Variants in RPS6KC1 observed in about 807,000 individuals in gnomAD.
RPS6KC1 encodes the protein inactive ribosomal protein S6 kinase delta-1.
In RPS6KC1, 54 loss-of-function variants were observed where a neutral mutation model predicts 103.8. The observed-to-expected ratio is 0.52, with a 90% CI of 0.42 to 0.65. The LOEUF is 0.65. Ranked by LOEUF, RPS6KC1 falls within the 30% of genes least tolerant of loss-of-function variation. RPS6KC1 has a pLI of 0.00. For synonymous variants in RPS6KC1, 439 were observed against 438.7 expected, an observed-to-expected ratio of 1.00 and a Z score of -0.01; for missense variants, 1,151 against 1,253.8, an observed-to-expected ratio of 0.92 and a Z score of 1.24.
chr1:213,569,720 T>C, the RPS6KC1 span, among the ~76,000 whole-genome samples: 1 of 152,152 alleles, frequency 6.6e-6, no homozygotes, highest in Non-Finnish European at 1.5e-5. Context: ...ATCAAGTAAA[T>C]AGATCATTTG....
the RPS6KC1 span, among the ~76,000 whole-genome samples, chr1:213,309,828 G>A: frequency 1.3e-5 from 2 of 152,124 alleles, no homozygotes; most frequent in Non-Finnish European, 2.9e-5. Context: ...GGGATTACAG[G>A]TGTCTGCCAC....
the RPS6KC1 span, among the ~76,000 whole-genome samples, chr1:213,855,946 C>T: frequency 6.6e-6 from 1 of 152,230 alleles, no homozygotes; most frequent in Non-Finnish European, 1.5e-5. Flanking sequence ...GCAAACTCCC[C>T]TTCTTTTCCA....
intron 4 of RPS6KC1, among the ~76,000 whole-genome samples, chr1:213,113,931 G>T: frequency 6.6e-6 from 1 of 151,984 alleles, no homozygotes; most frequent in East Asian, 1.9e-4. Context: ...CTCTATTTTG[G>T]TACCAGTACC....
At chr1:213,215,126 C>T (rs1228144916) in intron 8 of RPS6KC1, among the ~76,000 whole-genome samples, 1 of 152,070 alleles carries the variant, frequency 6.6e-6, no homozygotes, top group Non-Finnish European at 1.5e-5. Flanking sequence ...GTTAAAAACC[C>T]TGAAAAAAGA....
At chr1:213,776,546 C>T in the RPS6KC1 span, among the ~76,000 whole-genome samples, 1 of 152,172 alleles carries the variant, frequency 6.6e-6, no homozygotes, top group Non-Finnish European at 1.5e-5. Flanking sequence ...AGGCTGTAAA[C>T]AAATGTGCTA....
intron 6 of RPS6KC1, among the ~76,000 whole-genome samples, chr1:213,137,797 A>AT (rs1299936930): frequency 2.3e-3 from 75 of 33,042 alleles, no homozygotes; most frequent in African/African-American, 4.5e-3. Flanking sequence ...ATATATATAT[A>AT]TATTTTTTTT....
At chr1:213,739,951 G>A in the RPS6KC1 span, among the ~76,000 whole-genome samples, 3 of 152,100 alleles carry the variant, frequency 2.0e-5, no homozygotes, top group Admixed American at 6.6e-5. Flanking sequence ...TGTGCCTGAG[G>A]AAAACAGCTA....
chr1:213,460,520 A>G, the RPS6KC1 span, among the ~76,000 whole-genome samples: 3 of 149,554 alleles, frequency 2.0e-5, no homozygotes, highest in Non-Finnish European at 4.4e-5. Context: ...CAGTGCACCT[A>G]TGGGTCTTGA....
the RPS6KC1 span, among the ~76,000 whole-genome samples, chr1:213,428,263 T>C: frequency 1.1e-4 from 16 of 152,240 alleles, no homozygotes; most frequent in Non-Finnish European, 2.4e-4. Context: ...ATGTGAATCA[T>C]CTGTTTAGAG....
At chr1:213,311,685 G>A in the RPS6KC1 span, among the ~76,000 whole-genome samples, 1 of 152,052 alleles carries the variant, frequency 6.6e-6, no homozygotes. Flanking sequence ...GAAAATGGAT[G>A]CTTCCATGTT....
chr1:213,715,282 A>T, the RPS6KC1 span, among the ~76,000 whole-genome samples: 2 of 152,230 alleles, frequency 1.3e-5, no homozygotes, highest in South Asian at 4.1e-4. Context: ...TGTTGCAGGG[A>T]ATCAGAGGCA....
the RPS6KC1 span, among the ~76,000 whole-genome samples, chr1:213,823,726 C>CCACACACACACACACA: frequency 0.11 from 16,017 of 146,152 alleles, 1,605 homozygotes; most frequent in African/African-American, 0.26. Flanking sequence ...GCTATCACAG[C>CCACACACACACACACA]CACACACACA....
the RPS6KC1 span, among the ~76,000 whole-genome samples, chr1:213,347,834 A>G: frequency 1.4e-4 from 21 of 152,340 alleles, no homozygotes; most frequent in East Asian, 3.9e-3. Context: ...ATAAGAAGGC[A>G]GACATGACGT....
chr1:213,799,058 T>A, the RPS6KC1 span, among the ~76,000 whole-genome samples: 1 of 152,186 alleles, frequency 6.6e-6, no homozygotes, highest in East Asian at 1.9e-4. Context: ...GAGACTTAAT[T>A]TGGCTGGGTT....
chr1:213,715,801 A>G, the RPS6KC1 span, among the ~76,000 whole-genome samples: 1 of 152,192 alleles, frequency 6.6e-6, no homozygotes, highest in Non-Finnish European at 1.5e-5. Flanking sequence ...GACATTTGAG[A>G]TTTAGAAATC....
At chr1:213,448,466 T>C in the RPS6KC1 span, among the ~76,000 whole-genome samples, 4 of 151,960 alleles carry the variant, frequency 2.6e-5, no homozygotes, top group South Asian at 2.1e-4. Flanking sequence ...CCAAGAAATA[T>C]AGACCTCATT....
chr1:213,845,734 C>T, the RPS6KC1 span, among the ~76,000 whole-genome samples: 35 of 152,244 alleles, frequency 2.3e-4, no homozygotes, highest in African/African-American at 8.2e-4. Context: ...CCTGGTTCCT[C>T]CACTTTCTAG....
the RPS6KC1 span, among the ~76,000 whole-genome samples, chr1:213,485,561 T>C: frequency 1.3e-5 from 2 of 152,196 alleles, no homozygotes; most frequent in African/African-American, 4.8e-5. Context: ...CAGCATTATC[T>C]AGTGTATTAC....
intron 14 of RPS6KC1, 110 bp downstream of exon 14, chr1:213,262,926 C>T (rs994140107): frequency 2.3e-5 from 17 of 734,274 alleles, no homozygotes; most frequent in Admixed American, 6.3e-5. Context: ...ACCCATTTAA[C>T]GTAAAACAAA....
Sources: gnomAD v4.1 joint callset for allele counts (sites outside exome capture counted in the v4.1 genomes callset) on GRCh38, gnomAD v4.1.1 for gene constraint, MANE v1.5 for transcripts, NCBI Gene and HGNC (gene_info 2026-07-23, HGNC 2026-07-21) for gene names.